ERG: variants seen among roughly 807,000 people sequenced by gnomAD.
ERG encodes the protein ETS transcription factor ERG, also known as transcriptional regulator ERG.
A neutral mutation model predicts 55.3 loss-of-function variants in ERG; 9 were observed. The ratio of observed to expected loss-of-function variants is 0.16; its 90% CI spans 0.10 to 0.28. The LOEUF (loss-of-function observed/expected upper bound fraction) is 0.28, where lower values mean the gene tolerates loss of function less well. Among genes scored for constraint, ERG ranks in the 10% least tolerant of loss-of-function variants. The pLI, the probability that ERG is intolerant of heterozygous loss-of-function variation, is 1.00. For synonymous variants in ERG, 223 were observed against 237.3 expected, an observed-to-expected ratio of 0.94 and a Z score of 0.55; for missense variants, 434 against 631.6, an observed-to-expected ratio of 0.69 and a Z score of 3.35.
At chr21:38,472,585 T>C (rs1051208391) in intron 1 of ERG, among the ~76,000 whole-genome samples, 1 of 152,130 alleles carries the variant, frequency 6.6e-6, no homozygotes, top group Non-Finnish European at 1.5e-5. Context: ...GTGGCAATAT[T>C]GGTTACCCCC....
rs547048568 is a variant in ERG, at chr21:38,410,774, C to T, written c.389-7065G>A. Among the ~76,000 whole-genome samples, 5 of 152,296 alleles carry T rather than the reference C, an allele frequency of 3.3e-5. No individual in the cohort carries two copies. In the East Asian group the frequency reaches 5.8e-4, roughly 18 times the overall value. On this transcript the variant is annotated intron_variant, in intron 3 of 9. Coordinates refer to ENST00000288319, the MANE Select transcript of ERG (RefSeq NM_182918.4). Reference sequence around the variant, plus strand: ...CCTCACACAGGCAAACATCTTCTTTCAGAGGCCCCTCTAGAGAAATGAATA... The same window carrying T: ...CCTCACACAGGCAAACATCTTCTTTTAGAGGCCCCTCTAGAGAAATGAATA...
intron 3 of ERG, among the ~76,000 whole-genome samples, chr21:38,413,398 T>C (rs1311807971): frequency 1.3e-5 from 2 of 152,226 alleles, no homozygotes; most frequent in Non-Finnish European, 2.9e-5. Flanking sequence ...TGAATAGTTT[T>C]CATTTTTAAT....
At chr21:38,438,125 G>C (rs1446307419) in intron 2 of ERG, among the ~76,000 whole-genome samples, 1 of 152,104 alleles carries the variant, frequency 6.6e-6, no homozygotes, top group Non-Finnish European at 1.5e-5. Context: ...CCCTCCTCTT[G>C]GAATATTTTC....
intron 2 of ERG, among the ~76,000 whole-genome samples, chr21:38,534,517 C>T (rs891286857): frequency 1.3e-5 from 2 of 151,982 alleles, no homozygotes; most frequent in Non-Finnish European, 1.5e-5. Flanking sequence ...ATAATTTTTA[C>T]ACTTCACACC....
rs570159818 is a variant in ERG, at chr21:38,453,836, A to G, written c.19-8215T>C. On this transcript the variant is annotated intron_variant, in intron 1 of 9. Transcript: ENST00000288319. ...GAGGGGGAGGCTGCAGTGAGCTGAG[A>G]TCGCGCCACGGCACTCTAGCCTGGG... Among the ~76,000 whole-genome samples, 7 of 150,090 alleles carry G rather than the reference A, an allele frequency of 4.7e-5. No homozygotes were observed. In the South Asian group the frequency reaches 1.5e-3, roughly 32 times the overall value.
At chr21:38,400,226 A>T in intron 6 of ERG, 1 of 445,462 alleles carries the variant, frequency 2.2e-6, no homozygotes, top group Non-Finnish European at 4.3e-6. Flanking sequence ...GAATCTGGGG[A>T]GTGTCCTTGT....
intron 2 of ERG, among the ~76,000 whole-genome samples, chr21:38,526,168 G>T (rs559879895): frequency 6.6e-6 from 1 of 152,078 alleles, no homozygotes; most frequent in African/African-American, 2.4e-5. Context: ...TGTCCTTCTC[G>T]GGTATGGCTG....
At chr21:38,651,517 G>T (rs1490862534) in intron 1 of ERG, among the ~76,000 whole-genome samples, 1 of 152,112 alleles carries the variant, frequency 6.6e-6, no homozygotes, top group African/African-American at 2.4e-5. Flanking sequence ...AAAAAATAAA[G>T]TCAAATATCT....
At chr21:38,595,493 T>G (rs2060125590) in intron 1 of ERG, among the ~76,000 whole-genome samples, 1 of 152,168 alleles carries the variant, frequency 6.6e-6, no homozygotes, top group Non-Finnish European at 1.5e-5. Context: ...AATGAGCATG[T>G]GCATCCTTGA....
At chr21:38,641,856 T>C (rs2060427097) in intron 1 of ERG, among the ~76,000 whole-genome samples, 1 of 152,240 alleles carries the variant, frequency 6.6e-6, no homozygotes, top group Non-Finnish European at 1.5e-5. Flanking sequence ...CAGCATGGTT[T>C]GAAACAGTAA....
chr21:38,501,166 C>A (rs1265719932), upstream of ERG, among the ~76,000 whole-genome samples: 1 of 150,038 alleles, frequency 6.7e-6, no homozygotes, highest in African/African-American at 2.5e-5. Context: ...CCCAGCTTCA[C>A]GCCATTCTCC....
chr21:38,524,389 T>A (rs2059615823), intron 2 of ERG, among the ~76,000 whole-genome samples: 1 of 152,238 alleles, frequency 6.6e-6, no homozygotes, highest in South Asian at 2.1e-4. Context: ...CATGGCTCAC[T>A]GTGGAAAAAG....
intron 2 of ERG, among the ~76,000 whole-genome samples, chr21:38,535,096 T>C (rs2059699905): frequency 6.6e-6 from 1 of 152,092 alleles, no homozygotes. Context: ...CTATTTTCCC[T>C]AAGGCTCTCC....
chr21:38,645,036 G>A (rs2146976201), intron 1 of ERG, among the ~76,000 whole-genome samples: 1 of 152,258 alleles, frequency 6.6e-6, no homozygotes, highest in Non-Finnish European at 1.5e-5. Context: ...GCATGCACTT[G>A]TAGTCCCAGC....
intron 2 of ERG, among the ~76,000 whole-genome samples, chr21:38,549,732 C>CA (rs949469058): frequency 1.8e-5 from 2 of 110,572 alleles, no homozygotes. Context: ...GTCTAGGACA[C>CA]AGTGTTTTTT....
intron 3 of ERG, among the ~76,000 whole-genome samples, chr21:38,414,677 T>C (rs79510477): frequency 0.053 from 8,019 of 152,282 alleles, 335 homozygotes; most frequent in African/African-American, 0.11. Flanking sequence ...AGTTAGTACA[T>C]GGCAGAGTTT....
chr21:38,424,124 T>G (rs1283879948), intron 2 of ERG, among the ~76,000 whole-genome samples: 1 of 151,552 alleles, frequency 6.6e-6, no homozygotes. Flanking sequence ...GATGAGGTCA[T>G]GAGGGTAGAG....
intron 1 of ERG, among the ~76,000 whole-genome samples, chr21:38,456,669 C>G (rs967240400): frequency 6.6e-6 from 1 of 152,196 alleles, no homozygotes; most frequent in Non-Finnish European, 1.5e-5. Flanking sequence ...TTCTTAGACG[C>G]TGACTTACGT....
chr21:38,538,448 G>A (rs2059727644), intron 2 of ERG, among the ~76,000 whole-genome samples: 2 of 152,144 alleles, frequency 1.3e-5, no homozygotes, highest in Admixed American at 1.3e-4. Context: ...GGATCAAGGA[G>A]ATAGAATTGT....
Sources: gnomAD v4.1 joint callset for allele counts (sites outside exome capture counted in the v4.1 genomes callset) on GRCh38, gnomAD v4.1.1 for gene constraint, MANE v1.5 for transcripts, NCBI Gene and HGNC (gene_info 2026-07-23, HGNC 2026-07-21) for gene names.